RBM15B: variants seen among roughly 807,000 people sequenced by gnomAD.
RBM15B encodes putative RNA-binding protein 15B.
Under a neutral mutation model 53.3 loss-of-function variants are expected in RBM15B, and 11 were observed. That is an observed-to-expected ratio of 0.21 (90% CI 0.13 to 0.34). RBM15B has a LOEUF of 0.34. Ranked by LOEUF, RBM15B falls within the 10% of genes least tolerant of loss-of-function variation. The pLI, the probability that RBM15B is intolerant of heterozygous loss-of-function variation, is 1.00. For synonymous variants in RBM15B, 631 were observed against 540.7 expected, an observed-to-expected ratio of 1.17 and a Z score of -2.32; for missense variants, 1,136 against 1,250.3, an observed-to-expected ratio of 0.91 and a Z score of 1.38.
In RBM15B at chr3:51,395,134, C is replaced by G. The variant is rs1553622404; in HGVS notation, c.*1062C>G. On this transcript the variant is annotated 3_prime_UTR_variant, in exon 1 of 1. Transcript: ENST00000563281. ...AGATTTGTGGGGGGATACTGAACCT[C>G]TAGACTGAAGTACTTACCGGGGAGC... 6.0e-6 allele frequency: 1 copy of G among 167,212 alleles called. No homozygotes were observed. Among genetic ancestry groups the G allele is most frequent in the African/African-American group, 2.4e-5 (1 of 41,428 alleles). 10.4% of individuals were successfully genotyped at this position (167,212 alleles called of 1,614,324 possible).
Position 51,392,689 on chromosome 3 carries a change from A to T in RBM15B, c.1290A>T (p.Ser430=). 6.2e-7 allele frequency: 1 copy of T among 1,614,140 alleles called. No homozygotes were observed. The highest frequency in any genetic ancestry group is 8.5e-7 in the Non-Finnish European group (1 of 1,180,022). The change falls in exon 1 of 1, where the codon TCA becomes TCT. Residue 430 remains serine (S), a synonymous_variant. Coordinates refer to ENST00000563281, the MANE Select transcript of RBM15B (RefSeq NM_013286.5). The surrounding 1 kb of genome is among the most constrained non-coding windows in gnomAD (Gnocchi z 7.5). ...LWVGGLGPNT[S]LAALAREFDR... The stretch of plus-strand genomic sequence containing the variant: ...TGGGTGGCCTGGGACCTAACACGTC[A>T]CTGGCGGCTCTGGCCCGAGAGTTTG...
chr3:51,391,471 G>C lies in RBM15B; in HGVS notation c.72G>C (p.Arg24=), dbSNP rs2089035142. ...CGTCATCGTCCGCCAAGCGTCCGCG[G>C]GAGCGCGAACGGGAGGCGGAGGCGG... ...RGSSSSAKRP[R]EREREAEAGG... Residue 24 remains arginine, a synonymous_variant, in exon 1 of 1, where the codon CGG becomes CGC. Transcript: ENST00000563281. This position sits in a 1 kb window ranked among gnomAD's most constrained non-coding sequence, Gnocchi z 4.5. 2 of 1,253,166 alleles carry C rather than the reference G, an allele frequency of 1.6e-6. No homozygotes were observed. Among genetic ancestry groups the C allele is most frequent in the East Asian group, 3.5e-5 (1 of 28,982 alleles). The allele number at this position is 1,253,166 out of a possible 1,614,324, so 77.6% of individuals were successfully genotyped here. A position where few individuals can be genotyped will look rare whatever the true frequency, so the allele number is the denominator to read the frequency against.
Position 51,394,416 on chromosome 3 carries a change from T to C in RBM15B, c.*344T>C, listed in dbSNP as rs2089104001. 5.0e-6 allele frequency: 1 copy of C among 202,002 alleles called. No individual in the cohort carries two copies. The highest frequency in any genetic ancestry group is 2.3e-5 in the African/African-American group (1 of 42,938). 12.5% of individuals were successfully genotyped at this position (202,002 alleles called of 1,614,324 possible). A position where few individuals can be genotyped will look rare whatever the true frequency, so the allele number is the denominator to read the frequency against. Reference sequence around the variant, plus strand: ...TTTTTAAACCTGTTCAGAGTCCTGGTTTAATCAATCAAGCTAAAAGAATCG... The same window carrying C: ...TTTTTAAACCTGTTCAGAGTCCTGGCTTAATCAATCAAGCTAAAAGAATCG... On this transcript the variant is annotated 3_prime_UTR_variant, in exon 1 of 1. Coordinates refer to ENST00000563281, the MANE Select transcript of RBM15B (RefSeq NM_013286.5).
rs1400134158 is a variant in RBM15B, at chr3:51,392,410, C to T, written c.1011C>T (p.Arg337=). ...LMPEDDQRAT[R]NLFIGNLDHS... ...CCGAGGATGACCAGCGGGCCACGCG[C>T]AACCTCTTCATTGGTAACCTGGACC... Residue 337 remains arginine (R), a synonymous_variant, in exon 1 of 1, where the codon CGC becomes CGT. Transcript: ENST00000563281. The surrounding 1 kb of genome is among the most constrained non-coding windows in gnomAD (Gnocchi z 7.5). 1 of 1,613,960 alleles carries T rather than the reference C, an allele frequency of 6.2e-7. No individual in the cohort carries two copies. Among genetic ancestry groups the T allele is most frequent in the African/African-American group, 1.3e-5 (1 of 74,956 alleles).
At position 51,391,742 on chromosome 3, in the gene RBM15B, C is replaced by A; in HGVS notation, c.343C>A (p.Leu115Met). ...ASGMSPRASP[L>M]PPPPPPPGAE... ...CGGCATGTCGCCCCGCGCGTCTCCT[C>A]TGCCGCCGCCTCCGCCACCGCCTGG... is the stretch of plus-strand genomic sequence containing the variant. Residue 115 changes from leucine (L) to methionine (M), a missense_variant, in exon 1 of 1, where the codon CTG (leucine) becomes ATG (methionine). By Grantham distance (15) the Leu-to-Met change is conservative. Coordinates refer to ENST00000563281, the MANE Select transcript of RBM15B (RefSeq NM_013286.5). The surrounding 1 kb of genome is among the most constrained non-coding windows in gnomAD (Gnocchi z 4.5). 6.5e-7 allele frequency: 1 copy of A among 1,538,314 alleles called. No homozygotes were observed. The highest frequency in any genetic ancestry group is 1.2e-5 in the South Asian group (1 of 84,870).
In RBM15B at chr3:51,392,737, C is replaced by T. The variant is rs782182735; in HGVS notation, c.1338C>T (p.Thr446=). The T allele has an allele frequency of 5.1e-5, 82 of 1,614,094 alleles. 1 individual carries two copies. In the South Asian group the frequency reaches 5.8e-4, roughly 11 times the overall value. The change falls in exon 1 of 1, where the codon ACC becomes ACT. Residue 446 remains threonine (T), a synonymous_variant. Transcript: ENST00000563281. This position sits in a 1 kb window ranked among gnomAD's most constrained non-coding sequence, Gnocchi z 7.5. ...REFDRFGSIR[T]IDHVKGDSFA... ...TTGACCGCTTTGGGAGCATTCGGAC[C>T]ATTGATCACGTCAAAGGAGATAGCT...
Position 51,391,349 on chromosome 3 carries a change from C to T in RBM15B, c.-51C>T. The T allele has an allele frequency of 1.7e-6, 2 of 1,186,966 alleles. No individual in the cohort carries two copies. Among genetic ancestry groups the T allele is most frequent in the Non-Finnish European group, 2.1e-6 (2 of 960,542 alleles). 73.5% of individuals were successfully genotyped at this position (1,186,966 alleles called of 1,614,324 possible). A position where few individuals can be genotyped will look rare whatever the true frequency, so the allele number is the denominator to read the frequency against. ...GCTGCCTCCTCGGCCGCCGCCTCCGCCGCCGCCGCTGTGAGAAACCTACGG... is the reference window on the plus strand; with the variant it reads ...GCTGCCTCCTCGGCCGCCGCCTCCGTCGCCGCCGCTGTGAGAAACCTACGG... On this transcript the variant is annotated 5_prime_UTR_variant, in exon 1 of 1. Coordinates refer to ENST00000563281, the MANE Select transcript of RBM15B (RefSeq NM_013286.5). This position sits in a 1 kb window ranked among gnomAD's most constrained non-coding sequence, Gnocchi z 4.5.
Position 51,394,206 on chromosome 3 carries a change from A to C in RBM15B, c.*134A>C. ...TTTGGTTCATTTGGGTGGGGATCAA[A>C]GTCCTGTCCACCACCAAAACTAAGT... On this transcript the variant is annotated 3_prime_UTR_variant, in exon 1 of 1. Transcript: ENST00000563281. 8.4e-7 allele frequency: 1 copy of C among 1,187,820 alleles called. No homozygotes were observed. The highest frequency in any genetic ancestry group is 1.1e-6 in the Non-Finnish European group (1 of 930,504). The allele number at this position is 1,187,820 out of a possible 1,614,324, so 73.6% of individuals were successfully genotyped here. A position where few individuals can be genotyped will look rare whatever the true frequency, so the allele number is the denominator to read the frequency against.
Position 51,395,743 on chromosome 3 carries a change from T to A in RBM15B, c.*1671T>A, listed in dbSNP as rs979309764. 2.4e-6 allele frequency: 1 copy of A among 413,378 alleles called. No individual in the cohort carries two copies. The highest frequency in any genetic ancestry group is 3.6e-5 in the East Asian group (1 of 28,080). The allele number at this position is 413,378 out of a possible 1,614,324, so 25.6% of individuals were successfully genotyped here. A position where few individuals can be genotyped will look rare whatever the true frequency, so the allele number is the denominator to read the frequency against. ...TTAGAGGCTGGGGCTCACTGCAGGC[T>A]GTGGAGAGGTCATGCTGGTCCACAG... On this transcript the variant is annotated 3_prime_UTR_variant, in exon 1 of 1. Transcript: ENST00000563281.
Position 51,392,227 on chromosome 3 carries a change from G to A in RBM15B, c.828G>A (p.Glu276=), listed in dbSNP as rs541636816. ...CCGTCGCTGCCCCGCCCCTGCGGGA[G>A]CCCCGTGCCCGTCACGCCGCCGCAG... The part of the protein sequence containing the change: ...LSPVAAPPLR[E]PRARHAAAAF... The change falls in exon 1 of 1, where the codon GAG becomes GAA. Residue 276 remains glutamate, a synonymous_variant. Coordinates refer to ENST00000563281, the MANE Select transcript of RBM15B (RefSeq NM_013286.5). This position sits in a 1 kb window ranked among gnomAD's most constrained non-coding sequence, Gnocchi z 7.5. The A allele has an allele frequency of 2.6e-6, 4 of 1,562,506 alleles. No individual in the cohort carries two copies. In the East Asian group the frequency reaches 9.4e-5, roughly 37 times the overall value.
chr3:51,391,805 C>T lies in RBM15B; in HGVS notation c.406C>T (p.Pro136Ser). ...GTGTCCCGGCTCATCCGCGGCCGCG[C>T]CTGAGTACAAGACGTTGCTCATCAG... ...PACPGSSAAA[P>S]EYKTLLISSL... Residue 136 changes from proline to serine, a missense_variant, in exon 1 of 1, where the codon CCT becomes TCT. Transcript: ENST00000563281. This position sits in a 1 kb window ranked among gnomAD's most constrained non-coding sequence, Gnocchi z 4.5. 2 of 1,595,808 alleles carry T rather than the reference C, an allele frequency of 1.3e-6. No homozygotes were observed. The highest frequency in any genetic ancestry group is 1.4e-5 in the African/African-American group (1 of 73,706).
Position 51,393,324 on chromosome 3 carries a change from G to A in RBM15B, c.1925G>A (p.Ser642Asn). Residue 642 changes from serine (S) to asparagine (N), a missense_variant, in exon 1 of 1, where the codon AGT (serine) becomes AAT (asparagine). Coordinates refer to ENST00000563281, the MANE Select transcript of RBM15B (RefSeq NM_013286.5). This position sits in a 1 kb window ranked among gnomAD's most constrained non-coding sequence, Gnocchi z 5.6. ...PERSRKENHS[S>N]EGTKESSSNS... Reference sequence around the variant, plus strand: ...CGCAGCCGCAAGGAGAACCACTCCAGTGAAGGGACCAAGGAGTCCAGCAGC... The same window carrying A: ...CGCAGCCGCAAGGAGAACCACTCCAATGAAGGGACCAAGGAGTCCAGCAGC... 2.5e-6 allele frequency: 4 copies of A among 1,610,756 alleles called. No homozygotes were observed. Among genetic ancestry groups the A allele is most frequent in the South Asian group, 1.1e-5 (1 of 90,936 alleles).
Position 51,391,508 on chromosome 3 carries a change from G to A in RBM15B, c.109G>A (p.Ala37Thr). The A allele has an allele frequency of 8.2e-7, 1 of 1,219,786 alleles. No homozygotes were observed. 75.6% of individuals were successfully genotyped at this position (1,219,786 alleles called of 1,614,324 possible). ...GGAGGCGGAGGCGGGCGGGCGGCGG[G>A]CGGCGCACAAGGCCTCTGGCGGCGC... The part of the protein sequence containing the change: ...EREAEAGGRR[A>T]AHKASGGAKH... Residue 37 changes from alanine to threonine, a missense_variant, in exon 1 of 1, where the codon GCG (alanine) becomes ACG (threonine). Physicochemically the swap from Ala to Thr is moderately conservative, Grantham distance 58. Coordinates refer to ENST00000563281, the MANE Select transcript of RBM15B (RefSeq NM_013286.5). This position sits in a 1 kb window ranked among gnomAD's most constrained non-coding sequence, Gnocchi z 4.5.
chr3:51,394,640 A>G lies in RBM15B; in HGVS notation c.*568A>G, dbSNP rs1324677655. On this transcript the variant is annotated 3_prime_UTR_variant, in exon 1 of 1. Coordinates refer to ENST00000563281, the MANE Select transcript of RBM15B (RefSeq NM_013286.5). ...ACAAGCCTGAGTAGAGCCCATGCAAAGGAAGGGATGGGGTGAGCGCAAGGC... is the reference window on the plus strand; with the variant it reads ...ACAAGCCTGAGTAGAGCCCATGCAAGGGAAGGGATGGGGTGAGCGCAAGGC... 1.2e-5 allele frequency: 2 copies of G among 167,120 alleles called. No homozygotes were observed. The highest frequency in any genetic ancestry group is 2.9e-5 in the Non-Finnish European group (2 of 68,134). 10.4% of individuals were successfully genotyped at this position (167,120 alleles called of 1,614,324 possible).
chr3:51,395,581 G>GAGAAC lies in RBM15B; in HGVS notation c.*1514_*1518dup. On this transcript the variant is annotated 3_prime_UTR_variant, in exon 1 of 1. Transcript: ENST00000563281. Reference sequence around the variant, plus strand: ...AACAGGGAACACTGTCAGGGCTGAGGAGAACAGAAGCTCTGGTAAGCGAAT... The same window carrying GAGAAC: ...AACAGGGAACACTGTCAGGGCTGAGGAGAACAGAACAGAAGCTCTGGTAAGCGAAT... 2.5e-6 allele frequency: 1 copy of GAGAAC among 396,904 alleles called. No individual in the cohort carries two copies. Among genetic ancestry groups the GAGAAC allele is most frequent in the Admixed American group, 4.5e-5 (1 of 22,116 alleles). The allele number at this position is 396,904 out of a possible 1,614,324, so 24.6% of individuals were successfully genotyped here. A position where few individuals can be genotyped will look rare whatever the true frequency, so the allele number is the denominator to read the frequency against.
rs2089055614 is a variant in RBM15B at position 51,392,483 on chromosome 3, A to G, written c.1084A>G (p.Ile362Val). 2 of 1,613,836 alleles carry G rather than the reference A, an allele frequency of 1.2e-6. No individual in the cohort carries two copies. Among genetic ancestry groups the G allele is most frequent in the Non-Finnish European group, 1.7e-6 (2 of 1,180,042 alleles). ...GCGAAGGGCCTTCGAGAAATATGGC[A>G]TCATCGAGGAGGTGGTCATCAAGAG... is the stretch of plus-strand genomic sequence containing the variant. ...ELRRAFEKYGIIEEVVIKRPA... is the reference protein window; with the variant it reads ...ELRRAFEKYGVIEEVVIKRPA... The change falls in exon 1 of 1, where the codon ATC becomes GTC. Residue 362 changes from isoleucine to valine, a missense_variant. Physicochemically the swap from Ile to Val is conservative, Grantham distance 29. Around this residue, in one of 7 missense-constraint regions of RBM15B, gnomAD observed 40 missense variants for 74.2 expected, o/e 0.54. Coordinates refer to ENST00000563281, the MANE Select transcript of RBM15B (RefSeq NM_013286.5). This position sits in a 1 kb window ranked among gnomAD's most constrained non-coding sequence, Gnocchi z 7.5.
rs2089127593 is a variant in RBM15B, at chr3:51,395,075, G to GTAAT, written c.*1004_*1007dup. 1 of 167,184 alleles carries GTAAT rather than the reference G, an allele frequency of 6.0e-6. No homozygotes were observed. The highest frequency in any genetic ancestry group is 1.5e-5 in the Non-Finnish European group (1 of 68,230). The allele number at this position is 167,184 out of a possible 1,614,324, so 10.4% of individuals were successfully genotyped here. A position where few individuals can be genotyped will look rare whatever the true frequency, so the allele number is the denominator to read the frequency against. On this transcript the variant is annotated 3_prime_UTR_variant, in exon 1 of 1. Coordinates refer to ENST00000563281, the MANE Select transcript of RBM15B (RefSeq NM_013286.5). ...TTCTCTGGTCGTTCAGGGGTGATGG[G>GTAAT]TAATAGAGCAGGCCCGTGTCCAGTC...
chr3:51,392,033 C>T lies in RBM15B; in HGVS notation c.634C>T (p.Leu212Phe). ...GCAGCTGCTGCTCTACGACCGCCCGCTCAAGGTAGAGCCCGTGTACCTGCG... is the reference window on the plus strand; with the variant it reads ...GCAGCTGCTGCTCTACGACCGCCCGTTCAAGGTAGAGCCCGTGTACCTGCG... ...ARQLLLYDRP[L>F]KVEPVYLRGG... Residue 212 changes from leucine (L) to phenylalanine (F), a missense_variant, in exon 1 of 1, where the codon CTC becomes TTC. Transcript: ENST00000563281. The surrounding 1 kb of genome is among the most constrained non-coding windows in gnomAD (Gnocchi z 7.5). The T allele has an allele frequency of 1.3e-6, 2 of 1,597,402 alleles. No homozygotes were observed. The highest frequency in any genetic ancestry group is 1.7e-6 in the Non-Finnish European group (2 of 1,178,374).
At position 51,393,530 on chromosome 3, in the gene RBM15B, C is replaced by G. The variant is rs1553621992; in HGVS notation, c.2131C>G (p.Leu711Val). The G allele has an allele frequency of 6.2e-7, 1 of 1,614,216 alleles. No homozygotes were observed. The highest frequency in any genetic ancestry group is 1.3e-5 in the African/African-American group (1 of 75,062). The change falls in exon 1 of 1, where the codon CTT becomes GTT. Residue 711 changes from leucine to valine, a missense_variant. By Grantham distance (32) the Leu-to-Val change is conservative (BLOSUM62 1). This residue lies in a region of RBM15B where 578 missense variants were observed against 581.6 expected (regional missense o/e 0.99). Coordinates refer to ENST00000563281, the MANE Select transcript of RBM15B (RefSeq NM_013286.5). This position sits in a 1 kb window ranked among gnomAD's most constrained non-coding sequence, Gnocchi z 5.6. ...ACACGAGACCAAAAAGCTGAAGAAT[C>G]TTTCAGAGTACGCTCAGACACTACA... ...PKHETKKLKN[L>V]SEYAQTLQLG... is the part of the protein sequence containing the mutation.
Sources: allele counts gnomAD v4.1 joint callset, GRCh38; gene constraint gnomAD v4.1.1; regional missense constraint gnomAD v4.1.1; non-coding constraint Gnocchi (gnomAD v3.1); transcripts MANE v1.5; gene names NCBI Gene and HGNC (gene_info 2026-07-23, HGNC 2026-07-21).